Variants in CCDC88A observed in about 807,000 individuals in gnomAD.
The protein encoded by CCDC88A is coiled-coil and HOOK domain protein 88A, also known as girdin.
CCDC88A carries 54 observed loss-of-function variants against 234.3 expected under a neutral mutation model. The observed-to-expected ratio is 0.23, with a 90% CI of 0.19 to 0.29. CCDC88A has a LOEUF of 0.29. Ranked by LOEUF, CCDC88A falls within the 10% of genes least tolerant of loss-of-function variation. The probability of loss-of-function intolerance (pLI) is 1.00; values close to 1 mark genes in which losing one functional copy is unlikely to be tolerated. For synonymous variants in CCDC88A, 753 were observed against 737.8 expected (o/e 1.02, Z -0.33); for missense variants, 1,832 against 2,123.4 (o/e 0.86, Z 2.70).
At chr2:55,312,650 G>T in intron 22 of CCDC88A, 71 bp from the exon 23 acceptor site, 3 of 1,046,296 alleles carry the variant, frequency 2.9e-6, no homozygotes, top group South Asian at 1.4e-5. Context: ...AAAATATGAA[G>T]TACTACACAA....
Position 55,335,624 on chromosome 2 carries a change from T to A in CCDC88A, c.1657-460A>T, listed in dbSNP as rs968688143. ...TTACATGTGTATATATGGGTTTGTA[T>A]GTGTGTGTATTCATTCCCAAAAAGA... is the stretch of plus-strand genomic sequence containing the variant. On this transcript the variant is annotated intron_variant, in intron 14 of 32. Transcript: ENST00000436346. The surrounding 1 kb of genome is among the most constrained non-coding windows in gnomAD (Gnocchi z 4.5). Among the ~76,000 whole-genome samples, 4 of 152,212 alleles carry A rather than the reference T, an allele frequency of 2.6e-5. No individual in the cohort carries two copies. The highest frequency in any genetic ancestry group is 5.9e-5 in the Non-Finnish European group (4 of 68,036).
intron 12 of CCDC88A, among the ~76,000 whole-genome samples, chr2:55,340,739 GTTCCA>G (rs2104709567): frequency 6.6e-6 from 1 of 152,162 alleles, no homozygotes; most frequent in Admixed American, 6.5e-5. Context: ...CTTTAATCCA[GTTCCA>G]TTCATTATCC....
intron 2 of CCDC88A, among the ~76,000 whole-genome samples, chr2:55,393,648 A>G (rs1412511948): frequency 1.3e-5 from 2 of 152,092 alleles, no homozygotes; most frequent in Non-Finnish European, 2.9e-5. Flanking sequence ...TTCAAAACTT[A>G]GTTTACTCAG....
At chr2:55,353,355 A>C (rs1670138809) in intron 8 of CCDC88A, among the ~76,000 whole-genome samples, 1 of 152,194 alleles carries the variant, frequency 6.6e-6, no homozygotes, top group Admixed American at 6.5e-5. Flanking sequence ...CTATCCATTA[A>C]CTGCCAGTCA....
Position 55,334,765 on chromosome 2 carries a change from T to C in CCDC88A, c.2056A>G (p.Thr686Ala). 1 of 1,607,358 alleles carries C rather than the reference T, an allele frequency of 6.2e-7. No individual in the cohort carries two copies. The highest frequency in any genetic ancestry group is 8.5e-7 in the Non-Finnish European group (1 of 1,177,710). ...TTTTCTAGGGATTCTAACTGAAAGG[T>C]CAGATTTTTAAAGCTATCCAATGTT... The part of the protein sequence containing the change: ...KKTLDSFKNL[T>A]FQLESLEKEN... Residue 686 changes from threonine (T) to alanine (A), a missense_variant, in exon 15 of 33, where the codon ACC becomes GCC. By Grantham distance (58) the Thr-to-Ala change is moderately conservative (BLOSUM62 0). Transcript: ENST00000436346. This position sits in a 1 kb window ranked among gnomAD's most constrained non-coding sequence, Gnocchi z 6.1.
At chr2:55,371,581 T>C (rs191019509) in intron 5 of CCDC88A, among the ~76,000 whole-genome samples, 1 of 152,182 alleles carries the variant, frequency 6.6e-6, no homozygotes, top group Non-Finnish European at 1.5e-5. Flanking sequence ...ATGACCTAAA[T>C]TTAAACTTAG....
intron 2 of CCDC88A, among the ~76,000 whole-genome samples, chr2:55,399,316 G>A (rs1038826114): frequency 2.0e-5 from 3 of 151,980 alleles, no homozygotes; most frequent in African/African-American, 7.3e-5. Context: ...CATGAGGTCA[G>A]GAGTTCAAGA....
At chr2:55,355,416 A>G (rs1481394259) in intron 8 of CCDC88A, 163 bp downstream of exon 8, 6 of 619,948 alleles carry the variant, frequency 9.7e-6, no homozygotes, top group Non-Finnish European at 1.7e-5. Context: ...TTAAACTGTT[A>G]AGATTTAACA....
At position 55,297,371 on chromosome 2, in the gene CCDC88A, T is replaced by TA. The variant is rs1425065390; in HGVS notation, c.4826-849dup. Among the ~76,000 whole-genome samples, 82 of 105,148 alleles carry TA rather than the reference T, an allele frequency of 7.8e-4. 6 individuals are homozygous for TA. The highest frequency in any genetic ancestry group is 3.5e-3 in the African/African-American group (79 of 22,602). The allele number at this position is 105,148 out of a possible 152,430, so 69.0% of individuals were successfully genotyped here. On this transcript the variant is annotated intron_variant, in intron 29 of 32. Transcript: ENST00000436346. ...ATTATATATAAATATATATAATATA[T>TA]ATTATATATAAATATATATTATATA...
chr2:55,298,833 C>T (rs542619897), intron 29 of CCDC88A, among the ~76,000 whole-genome samples: 116 of 145,692 alleles, frequency 8.0e-4, no homozygotes, highest in Non-Finnish European at 1.3e-3. Context: ...TGAGATAGTA[C>T]CACTGCACTC....
At chr2:55,396,899 C>T (rs949141956) in intron 2 of CCDC88A, among the ~76,000 whole-genome samples, 5 of 146,336 alleles carry the variant, frequency 3.4e-5, no homozygotes, top group Non-Finnish European at 7.5e-5. Context: ...AAAAGGGTTT[C>T]AGCAATGTTT....
Position 55,374,117 on chromosome 2 carries a change from T to A in CCDC88A, c.343+697A>T, listed in dbSNP as rs556089433. ...GACTGGGCGTGGTGGCTCATGCCTCTAATCCCAGCACTTTGGGAGGCCGAG... is the reference window on the plus strand; with the variant it reads ...GACTGGGCGTGGTGGCTCATGCCTCAAATCCCAGCACTTTGGGAGGCCGAG... On this transcript the variant is annotated intron_variant, in intron 4 of 32. Coordinates refer to ENST00000436346, the MANE Select transcript of CCDC88A (RefSeq NM_001365480.1). 6.6e-5 allele frequency among the ~76,000 whole-genome samples: 10 copies of A among 152,358 alleles called. No homozygotes were observed. The East Asian group carries it at 1.9e-3, about 29-fold the overall frequency.
At position 55,334,878 on chromosome 2, in the gene CCDC88A, AT is replaced by A. The variant is rs2104690231; in HGVS notation, c.1942del (p.Ile648Ter). ...EKENELLQKK[I>X]TNLKITCEKI... ...TTCACAAGTAATTTTTAAATTAGTT[AT>A]TTTTTTCTGTAATAATTCATTTTCT... On this transcript the variant is annotated frameshift_variant, in exon 15 of 33. Transcript: ENST00000436346. LOFTEE classifies it high-confidence loss of function. This position sits in a 1 kb window ranked among gnomAD's most constrained non-coding sequence, Gnocchi z 6.1. The A allele has an allele frequency of 6.6e-7, 1 of 1,515,830 alleles. No homozygotes were observed. Among genetic ancestry groups the A allele is most frequent in the Non-Finnish European group, 9.0e-7 (1 of 1,116,724 alleles). The allele number at this position is 1,515,830 out of a possible 1,614,324, so 93.9% of individuals were successfully genotyped here.
chr2:55,344,689 C>T (rs1668883506), intron 10 of CCDC88A, among the ~76,000 whole-genome samples, 175 bp from the exon 11 acceptor site: 1 of 152,060 alleles, frequency 6.6e-6, no homozygotes, highest in South Asian at 2.1e-4. Context: ...CCCCAGAATG[C>T]AAACAAAACA....
intron 9 of CCDC88A, among the ~76,000 whole-genome samples, chr2:55,346,846 T>C (rs1351797968): frequency 2.6e-5 from 4 of 152,340 alleles, no homozygotes; most frequent in East Asian, 3.9e-4. Context: ...ATCGTGGATA[T>C]GTTACTAAAA....
chr2:55,296,143 T>C, intron 30 of CCDC88A, 87 bp from the exon 31 acceptor site: 1 of 1,330,122 alleles, frequency 7.5e-7, no homozygotes, highest in Non-Finnish European at 1.0e-6. Flanking sequence ...AATATAAAAT[T>C]GTGGTACCTC....
intron 30 of CCDC88A, 32 bp from the exon 31 acceptor site, chr2:55,296,088 G>T (rs1259000596): frequency 2.0e-6 from 3 of 1,487,238 alleles, no homozygotes; most frequent in African/African-American, 2.8e-5. Context: ...GCAGATTAGT[G>T]AATATAGTGC....
chr2:55,376,626 T>C (rs537253777), intron 3 of CCDC88A, among the ~76,000 whole-genome samples: 17 of 152,312 alleles, frequency 1.1e-4, no homozygotes, highest in African/African-American at 3.6e-4. Context: ...AAAATATGCC[T>C]GCATTTAAAG....
intron 7 of CCDC88A, among the ~76,000 whole-genome samples, chr2:55,361,265 C>T (rs78372887): frequency 0.015 from 2,217 of 152,000 alleles, 36 homozygotes; most frequent in Non-Finnish European, 0.019. Context: ...AAAAAGATAG[C>T]ATAGAGTTAA....
Sources: gnomAD v4.1 joint callset for allele counts (sites outside exome capture counted in the v4.1 genomes callset) on GRCh38, gnomAD v4.1.1 for gene constraint, Gnocchi (gnomAD v3.1) non-coding constraint, MANE v1.5 for transcripts, NCBI Gene and HGNC (gene_info 2026-07-23, HGNC 2026-07-21) for gene names.